The following RLBP1 variants were observed in gnomAD, a reference collection of about 807,000 sequenced individuals.
The protein encoded by RLBP1 is retinaldehyde-binding protein 1.
Under a neutral mutation model 36.2 loss-of-function variants are expected in RLBP1, and 26 were observed. The ratio of observed to expected loss-of-function variants is 0.72; its 90% CI spans 0.53 to 1.00. The LOEUF is 1.00. Among genes scored for constraint, RLBP1 ranks in the 50% least tolerant of loss-of-function variants. The pLI, the probability that RLBP1 is intolerant of heterozygous loss-of-function variation, is 0.00. For missense variants in RLBP1, 410 were observed against 402.4 expected (o/e 1.02, Z -0.16); for synonymous variants, 155 against 156.2 (o/e 0.99, Z 0.06).
chr15:89,217,011 G>A, intron 5 of RLBP1, 109 bp downstream of exon 5: 1 of 1,167,600 alleles, frequency 8.6e-7, no homozygotes, highest in African/African-American at 1.5e-5. Context: ...CAGAGAAACT[G>A]ACTTGCCCAC....
At position 89,218,462 on chromosome 15, in the gene RLBP1, G is replaced by C; in HGVS notation, c.141+103C>G. ...CAGTCTATCAGGTCCAGGATGATCT[G>C]GAGTGCCGAGGCTGGACCCTTTTCA... is the stretch of plus-strand genomic sequence containing the variant. On this transcript the variant is annotated intron_variant, in intron 4 of 8. Transcript: ENST00000268125. The surrounding 1 kb of genome is among the most constrained non-coding windows in gnomAD (Gnocchi z 4.6). 1.3e-6 allele frequency: 2 copies of C among 1,532,524 alleles called. No homozygotes were observed. Among genetic ancestry groups the C allele is most frequent in the Non-Finnish European group, 1.8e-6 (2 of 1,113,308 alleles). 94.9% of individuals were successfully genotyped at this position (1,532,524 alleles called of 1,614,324 possible). A position where few individuals can be genotyped will look rare whatever the true frequency, so the allele number is the denominator to read the frequency against.
At position 89,218,636 on chromosome 15, in the gene RLBP1, G is replaced by C; in HGVS notation, c.70C>G (p.Gln24Glu). ...GGTCCATGGTCCTTGGTTGTGAGCT[G>C]CTCCAGTTGGGCACGGAGCTCCTGT... The part of the protein sequence containing the change: ...EEQELRAQLE[Q>E]LTTKDHGPVF... Residue 24 changes from glutamine to glutamate, a missense_variant, in exon 4 of 9, where the codon CAG (glutamine) becomes GAG (glutamate). Gln to Glu is a conservative substitution (Grantham distance 29). Coordinates refer to ENST00000268125, the MANE Select transcript of RLBP1 (RefSeq NM_000326.5). This position sits in a 1 kb window ranked among gnomAD's most constrained non-coding sequence, Gnocchi z 4.6. 6.2e-7 allele frequency: 1 copy of C among 1,614,226 alleles called. No homozygotes were observed. The highest frequency in any genetic ancestry group is 1.1e-5 in the South Asian group (1 of 91,084).
intron 5 of RLBP1, among the ~76,000 whole-genome samples, chr15:89,215,711 C>T (rs193066862): frequency 3.4e-4 from 52 of 152,284 alleles, no homozygotes; most frequent in African/African-American, 1.2e-3. Context: ...CCTCTACGGT[C>T]CACAAACACC....
chr15:89,221,023 T>C (rs1474068324), intron 1 of RLBP1, among the ~76,000 whole-genome samples: 1 of 151,010 alleles, frequency 6.6e-6, no homozygotes, highest in Admixed American at 6.6e-5. Flanking sequence ...TTTTTTTTTT[T>C]TGAGATGGAG....
In RLBP1 at chr15:89,214,471, TAAATA is replaced by T. The variant is rs947280120; in HGVS notation, c.525+584_525+588del. ...AGCGAGACTCCATCTCAAAAATAAATAAATAAAATAAAATAAGTTTGTAGCAGTTT... is the reference window on the plus strand; with the variant it reads ...AGCGAGACTCCATCTCAAAAATAAATAAATAAAATAAGTTTGTAGCAGTTT... On this transcript the variant is annotated intron_variant, in intron 6 of 8. Coordinates refer to ENST00000268125, the MANE Select transcript of RLBP1 (RefSeq NM_000326.5). This position sits in a 1 kb window ranked among gnomAD's most constrained non-coding sequence, Gnocchi z 4.6. Among the ~76,000 whole-genome samples the T allele has an allele frequency of 4.0e-5, 6 of 151,084 alleles. No homozygotes were observed. Among genetic ancestry groups the T allele is most frequent in the African/African-American group, 7.3e-5 (3 of 41,198 alleles).
At chr15:89,213,871 T>G (rs1039064350) in intron 6 of RLBP1, among the ~76,000 whole-genome samples, 1 of 152,156 alleles carries the variant, frequency 6.6e-6, no homozygotes, top group Non-Finnish European at 1.5e-5. Context: ...AAATTAATTC[T>G]GAAGATCATA....
Position 89,210,296 on chromosome 15 carries a change from T to C in RLBP1, c.943A>G (p.Thr315Ala), listed in dbSNP as rs1043487848. 6.2e-7 allele frequency: 1 copy of C among 1,614,044 alleles called. No individual in the cohort carries two copies. Among genetic ancestry groups the C allele is most frequent in the Non-Finnish European group, 8.5e-7 (1 of 1,180,046 alleles). The part of the protein sequence containing the change: ...LFGPQAQAEN[T>A]AF ...GGCAGGAGATGTTTTCAGAAGGCTG[T>C]GTTCTCAGCTTGGGCCTGGGGGCCA... Residue 315 changes from threonine to alanine, a missense_variant, in exon 9 of 9, where the codon ACA becomes GCA. Thr to Ala is a moderately conservative substitution (Grantham distance 58). Coordinates refer to ENST00000268125, the MANE Select transcript of RLBP1 (RefSeq NM_000326.5). This position sits in a 1 kb window ranked among gnomAD's most constrained non-coding sequence, Gnocchi z 4.7.
chr15:89,215,186 T>G lies in RLBP1; in HGVS notation c.399A>C (p.Pro133=), dbSNP rs2051569561. ...CTTCAATGGTGCAGCGGACAGCCTC[T>G]GGGGACAGGCTGTCAAAGAGCTCAG... ...QYPELFDSLS[P]EAVRCTIEAG... Residue 133 remains proline (P), a synonymous_variant, in exon 6 of 9, where the codon CCA becomes CCC. Transcript: ENST00000268125. The G allele has an allele frequency of 1.2e-5, 20 of 1,614,176 alleles. No homozygotes were observed. Among genetic ancestry groups the G allele is most frequent in the Non-Finnish European group, 1.7e-5 (20 of 1,180,024 alleles).
In RLBP1 at chr15:89,217,176, A is replaced by T. The variant is rs761221207; in HGVS notation, c.290T>A (p.Leu97Gln). ...RVQEKDSGFF[L>Q]RFIRARKFNV... Reference sequence around the variant, plus strand: ...GAACTTCCGTGCGCGGATGAAGCGCAGGAAGAAGCCGCTGTCCTTCTCTTG... The same window carrying T: ...GAACTTCCGTGCGCGGATGAAGCGCTGGAAGAAGCCGCTGTCCTTCTCTTG... Residue 97 changes from leucine to glutamine, a missense_variant, in exon 5 of 9, where the codon CTG becomes CAG. By Grantham distance (113) the Leu-to-Gln change is moderately radical (BLOSUM62 -2). Transcript: ENST00000268125. 59 of 1,614,062 alleles carry T rather than the reference A, an allele frequency of 3.7e-5. No individual in the cohort carries two copies. The highest frequency in any genetic ancestry group is 4.8e-5 in the Non-Finnish European group (57 of 1,180,032).
intron 6 of RLBP1, among the ~76,000 whole-genome samples, chr15:89,212,153 A>G (rs2150969253): frequency 3.3e-5 from 5 of 152,376 alleles, no homozygotes; most frequent in Admixed American, 3.3e-4. Flanking sequence ...TAAATGTCCA[A>G]CAATGGGAAC....
chr15:89,217,468 G>A (rs2051591988), intron 4 of RLBP1, 144 bp from the exon 5 acceptor site: 2 of 758,738 alleles, frequency 2.6e-6, no homozygotes, highest in African/African-American at 3.4e-5. Flanking sequence ...CTGCCCCAGG[G>A]GCAGCATCTG....
Position 89,214,923 on chromosome 15 carries a change from G to C in RLBP1, c.525+137C>G. 1 of 865,794 alleles carries C rather than the reference G, an allele frequency of 1.2e-6. No homozygotes were observed. The highest frequency in any genetic ancestry group is 1.9e-6 in the Non-Finnish European group (1 of 529,028). The allele number at this position is 865,794 out of a possible 1,614,324, so 53.6% of individuals were successfully genotyped here. On this transcript the variant is annotated intron_variant, in intron 6 of 8. Transcript: ENST00000268125. This position sits in a 1 kb window ranked among gnomAD's most constrained non-coding sequence, Gnocchi z 4.6. ...TTCTCTCCCTGCCTGGAAAGGGCTA[G>C]GTGGCAGGTGGCTGCCCACCTTTCC...
chr15:89,215,331 A>G, intron 5 of RLBP1, 93 bp from the exon 6 acceptor site: 9 of 1,291,600 alleles, frequency 7.0e-6, no homozygotes, highest in South Asian at 1.2e-5. Context: ...ACCTCCTGCC[A>G]GGTCCTATGT....
chr15:89,216,310 C>A (rs1273272247), intron 5 of RLBP1, among the ~76,000 whole-genome samples: 1 of 149,190 alleles, frequency 6.7e-6, no homozygotes, highest in Admixed American at 6.7e-5. Flanking sequence ...AGGGAACCAC[C>A]CCCTTTTTTT....
chr15:89,215,277 A>G (rs1216962245), intron 5 of RLBP1, 39 bp from the exon 6 acceptor site: 1 of 1,605,800 alleles, frequency 6.2e-7, no homozygotes, highest in Non-Finnish European at 8.5e-7. Context: ...TCAGGGAGCC[A>G]TCCCATCCCT....
rs2051524817 is a variant in RLBP1, at chr15:89,210,199, A to T, written c.*86T>A. ...TCTAAGGGGGGACCACAGTCATCTC[A>T]AGCAGCCCTTTCCTAGCCTTGGGTC... is the stretch of plus-strand genomic sequence containing the variant. On this transcript the variant is annotated 3_prime_UTR_variant, in exon 9 of 9. Transcript: ENST00000268125. This position sits in a 1 kb window ranked among gnomAD's most constrained non-coding sequence, Gnocchi z 4.7. The T allele has an allele frequency of 2.0e-6, 3 of 1,523,986 alleles. No homozygotes were observed. In the Admixed American group the frequency reaches 5.0e-5, roughly 25 times the overall value. The allele number at this position is 1,523,986 out of a possible 1,614,324, so 94.4% of individuals were successfully genotyped here.
In RLBP1 at chr15:89,214,230, G is replaced by C. The variant is rs1021289621; in HGVS notation, c.525+830C>G. Among the ~76,000 whole-genome samples the C allele has an allele frequency of 1.3e-5, 2 of 152,170 alleles. No homozygotes were observed. Among genetic ancestry groups the C allele is most frequent in the Non-Finnish European group, 2.9e-5 (2 of 68,040 alleles). ...AATCCCAGCACTTTGGGAGGCCGAG[G>C]TGGGCGGATCACTTGAGCTCAGGAG... On this transcript the variant is annotated intron_variant, in intron 6 of 8. Transcript: ENST00000268125. This position sits in a 1 kb window ranked among gnomAD's most constrained non-coding sequence, Gnocchi z 4.6.
At position 89,219,017 on chromosome 15, in the gene RLBP1, T is replaced by A. The variant is rs1480311753; in HGVS notation, c.-42A>T. 1.2e-6 allele frequency: 2 copies of A among 1,613,614 alleles called. No individual in the cohort carries two copies. Among genetic ancestry groups the A allele is most frequent in the Non-Finnish European group, 1.7e-6 (2 of 1,179,868 alleles). Reference sequence around the variant, plus strand: ...ACAGAGTCCTTGGAAAAAGAAGGGATCTGCTTTCTCTGTCCTGGCCTCTCC... The same window carrying A: ...ACAGAGTCCTTGGAAAAAGAAGGGAACTGCTTTCTCTGTCCTGGCCTCTCC... On this transcript the variant is annotated 5_prime_UTR_variant, in exon 3 of 9. Transcript: ENST00000268125.
At chr15:89,217,602 C>A (rs751209055) in intron 4 of RLBP1, among the ~76,000 whole-genome samples, 1 of 152,266 alleles carries the variant, frequency 6.6e-6, no homozygotes, top group Non-Finnish European at 1.5e-5. Context: ...TAGCAACCTG[C>A]TAAGTCCTTT....
Sources: gnomAD v4.1 joint callset for allele counts (sites outside exome capture counted in the v4.1 genomes callset) on GRCh38, gnomAD v4.1.1 for gene constraint, Gnocchi (gnomAD v3.1) non-coding constraint, MANE v1.5 for transcripts, NCBI Gene and HGNC (gene_info 2026-07-23, HGNC 2026-07-21) for gene names.